PAK6: variants seen among roughly 807,000 people sequenced by gnomAD.
PAK6 encodes the protein p21 (RAC1) activated kinase 6.
A neutral mutation model predicts 60.8 loss-of-function variants in PAK6; 33 were observed. The ratio of observed to expected loss-of-function variants is 0.54; its 90% CI spans 0.41 to 0.73. The LOEUF (loss-of-function observed/expected upper bound fraction) is 0.73, where lower values mean the gene tolerates loss of function less well. Ranked by LOEUF, PAK6 falls within the 30% of genes least tolerant of loss-of-function variation. PAK6 has a pLI of 0.00. For synonymous variants in PAK6, 404 were observed against 378.5 expected (o/e 1.07, Z -0.78); for missense variants, 845 against 904.1 (o/e 0.93, Z 0.84).
chr15:40,275,298 T>TTTTTTTTTTTTTTTTTTTTTTTG, intron 10 of PAK6, among the ~76,000 whole-genome samples: 1 of 129,780 alleles, frequency 7.7e-6, no homozygotes, highest in Non-Finnish European at 1.6e-5. Flanking sequence ...TTTTTTTTTT[T>TTTTTTTTTTTTTTTTTTTTTTTG]TTTTGGAGAT....
chr15:40,270,879 G>A (rs1037377725), intron 5 of PAK6, among the ~76,000 whole-genome samples: 8 of 152,346 alleles, frequency 5.3e-5, no homozygotes, highest in African/African-American at 1.9e-4. Context: ...GAGAGTAGAA[G>A]CCCTGAAGCT....
intron 3 of PAK6, chr15:40,256,871 T>C (rs906937583): frequency 6.6e-6 from 1 of 152,214 alleles, no homozygotes; most frequent in Non-Finnish European, 1.5e-5. Flanking sequence ...CCGTGAGAAA[T>C]ATCCAAAGCT....
chr15:40,261,268 G>A (rs979410218), intron 3 of PAK6, among the ~76,000 whole-genome samples: 3 of 151,824 alleles, frequency 2.0e-5, no homozygotes, highest in Non-Finnish European at 2.9e-5. Flanking sequence ...CCTGGGCACG[G>A]TGGCTCATGC....
At chr15:40,266,583 C>T in intron 5 of PAK6, 88 bp downstream of exon 5, 1 of 1,313,420 alleles carries the variant, frequency 7.6e-7, no homozygotes, top group Non-Finnish European at 1.0e-6. Flanking sequence ...GGAGGACTGG[C>T]AAAGAGGCTC....
intron 3 of PAK6, among the ~76,000 whole-genome samples, chr15:40,262,020 G>A (rs1417982584): frequency 6.7e-6 from 1 of 149,566 alleles, no homozygotes; most frequent in East Asian, 2.6e-4. Flanking sequence ...CTTGGGTGGG[G>A]CAGGGGAGTT....
chr15:40,244,245 C>T (rs573313065), intron 2 of PAK6, among the ~76,000 whole-genome samples: 4 of 147,390 alleles, frequency 2.7e-5, no homozygotes, highest in Non-Finnish European at 6.0e-5. Flanking sequence ...GCAGGGGAAT[C>T]GCTTGAACCC....
Position 40,265,836 on chromosome 15 carries a change from C to A in PAK6, c.205-6C>A. 1 of 1,516,188 alleles carries A rather than the reference C, an allele frequency of 6.6e-7. No individual in the cohort carries two copies. The highest frequency in any genetic ancestry group is 8.8e-7 in the Non-Finnish European group (1 of 1,130,548). 93.9% of individuals were successfully genotyped at this position (1,516,188 alleles called of 1,614,324 possible). Reference sequence around the variant, plus strand: ...TCCCACACACTCTTTTCTCTTCCCCCTACAGACAGTGGTGCGGGGCAGCGC... The same window carrying A: ...TCCCACACACTCTTTTCTCTTCCCCATACAGACAGTGGTGCGGGGCAGCGC... On this transcript the variant is annotated splice_polypyrimidine_tract_variant and splice_region_variant and intron_variant, in intron 4 of 10. Coordinates refer to ENST00000560346, the Ensembl canonical transcript of PAK6.
chr15:40,265,578 A>G (rs1281326677), intron 4 of PAK6, among the ~76,000 whole-genome samples: 1 of 152,176 alleles, frequency 6.6e-6, no homozygotes, highest in Non-Finnish European at 1.5e-5. Context: ...ACCCCTGGGC[A>G]TGCTGGATGC....
At chr15:40,240,791 T>C (rs555324457) in intron 2 of PAK6, 110 bp downstream of exon 2, 42 of 356,194 alleles carry the variant, frequency 1.2e-4, no homozygotes, top group African/African-American at 8.7e-4. Context: ...TCCACAGCTG[T>C]GGGTTCCTGG....
At chr15:40,239,291 G>A (rs573182094), upstream of PAK6, 5 of 152,352 alleles carry the variant, frequency 3.3e-5, no homozygotes, top group African/African-American at 1.2e-4. Context: ...CCAGGCAGGT[G>A]GGGGAGGGCG....
rs142019807 is a variant in PAK6 at position 40,268,852 on chromosome 15, G to T, written c.858+2357G>T. On this transcript the variant is annotated intron_variant, in intron 5 of 10. Transcript: ENST00000560346. ...GCACCTACCGTGTACTCCGATATAT[G>T]TCAAGGATACATGGCACCAGTGGGA... Among the ~76,000 whole-genome samples the T allele has an allele frequency of 2.8e-3, 433 of 152,330 alleles. 3 individuals are homozygous for T. The highest frequency in any genetic ancestry group is 9.9e-3 in the African/African-American group (411 of 41,572).
intron 2 of PAK6, chr15:40,252,597 C>A (rs2140955751): frequency 1.5e-6 from 2 of 1,353,220 alleles, no homozygotes; most frequent in Non-Finnish European, 2.0e-6. Flanking sequence ...TAAGCGCGGC[C>A]CCTCCTCGGC....
At chr15:40,272,625 C>G in exon 6 of PAK6, 1 of 1,610,914 alleles carries the variant, frequency 6.2e-7, no homozygotes, top group Non-Finnish European at 8.5e-7. Flanking sequence ...CCACCGGCAT[C>G]GTCTGCTTGG....
chr15:40,275,280 G>GTTTTTTTTTTTTTTGTTTTTTTTT (rs1555389202), intron 10 of PAK6, among the ~76,000 whole-genome samples: 55 of 56,510 alleles, frequency 9.7e-4, no homozygotes, highest in Admixed American at 1.7e-3. Context: ...GTTGTTGTTG[G>GTTTTTTTTTTTTTTGTTTTTTTTT]TTTTTTTTTT....
intron 5 of PAK6, among the ~76,000 whole-genome samples, chr15:40,268,639 G>C (rs1335271587): frequency 6.6e-6 from 1 of 152,200 alleles, no homozygotes; most frequent in Non-Finnish European, 1.5e-5. Context: ...GGCTGCAGGA[G>C]GGTCTGAGTA....
chr15:40,263,025 A>C (rs1181682344), intron 3 of PAK6, among the ~76,000 whole-genome samples: 1 of 152,240 alleles, frequency 6.6e-6, no homozygotes, highest in Non-Finnish European at 1.5e-5. Flanking sequence ...AAGACCCAGA[A>C]GCATGGCTGA....
intron 2 of PAK6, chr15:40,251,429 G>A (rs1301315095): frequency 1.3e-5 from 2 of 152,276 alleles, no homozygotes; most frequent in Non-Finnish European, 2.9e-5. Flanking sequence ...AGTAAATTGT[G>A]TGAAACCAAT....
At chr15:40,272,717 A>G (rs2039343272) in exon 6 of PAK6, 1 of 1,586,506 alleles carries the variant, frequency 6.3e-7, no homozygotes, top group Non-Finnish European at 8.6e-7. Flanking sequence ...CTGCTCTTCA[A>G]CGAGGTGGGA....
chr15:40,271,448 G>A (rs935494874), intron 5 of PAK6, among the ~76,000 whole-genome samples: 8 of 152,142 alleles, frequency 5.3e-5, no homozygotes, highest in Admixed American at 4.6e-4. Context: ...TTCATGCCAG[G>A]GAGGAAGTGG....
Sources: allele counts gnomAD v4.1 joint callset (sites outside exome capture counted in the v4.1 genomes callset), GRCh38; gene constraint gnomAD v4.1.1; transcripts MANE v1.5; gene names NCBI Gene and HGNC (gene_info 2026-07-23, HGNC 2026-07-21).